Variants in FOXP4 observed in about 807,000 individuals in gnomAD.
The protein encoded by FOXP4 is forkhead box P4, also known as forkhead box protein P4.
Under a neutral mutation model 82.6 loss-of-function variants are expected in FOXP4, and 25 were observed. The ratio of observed to expected loss-of-function variants is 0.30; its 90% confidence interval spans 0.22 to 0.42. FOXP4 has a LOEUF of 0.42. Among genes scored for constraint, FOXP4 ranks in the 10% least tolerant of loss-of-function variants. The pLI, the probability that FOXP4 is intolerant of heterozygous loss-of-function variation, is 1.00. For missense variants in FOXP4, 785 were observed against 900.9 expected (o/e 0.87, Z 1.65); for synonymous variants, 415 against 388.2 (o/e 1.07, Z -0.81).
intron 3 of FOXP4, among the ~76,000 whole-genome samples, chr6:41,582,971 T>C (rs147540972): frequency 5.1e-4 from 77 of 152,274 alleles, no homozygotes; most frequent in Non-Finnish European, 8.7e-4. Context: ...CCCTGCCACT[T>C]AAGGCCACCA....
At position 41,560,571 on chromosome 6, in the gene FOXP4, C is replaced by T. The variant is rs376278662; in HGVS notation, c.-16-5174C>T. On this transcript the variant is annotated intron_variant, in intron 1 of 16. Coordinates refer to ENST00000307972, the MANE Select transcript of FOXP4 (RefSeq NM_001012426.2). ...CCGGCAGGACGCGCGCCCAGGAGCGCGCTGGGGGCTGCCCCGCCCCTCTCT... is the reference window on the plus strand; with the variant it reads ...CCGGCAGGACGCGCGCCCAGGAGCGTGCTGGGGGCTGCCCCGCCCCTCTCT... Among the ~76,000 whole-genome samples the T allele has an allele frequency of 1.2e-4, 18 of 152,300 alleles. No individual in the cohort carries two copies. In the East Asian group the frequency reaches 2.3e-3, roughly 20 times the overall value.
In FOXP4 at chr6:41,598,828, G is replaced by A. The variant is rs755902655; in HGVS notation, c.1935G>A (p.Glu645=). Residue 645 remains glutamate (E), a synonymous_variant, in exon 17 of 17, where the codon GAG becomes GAA. Transcript: ENST00000307972. ...TGAAGGAGGAGCCAGCAGAGGCAGA[G>A]GAAGACAGGCAGCCCGGGCCTCCCC... ...VQVKEEPAEA[E]EDRQPGPPLG... 1 of 1,575,838 alleles carries A rather than the reference G, an allele frequency of 6.3e-7. No individual in the cohort carries two copies. The highest frequency in any genetic ancestry group is 1.2e-5 in the South Asian group (1 of 85,850).
At chr6:41,578,107 T>C (rs559444252) in intron 3 of FOXP4, 26 bp downstream of exon 3, 107 of 1,600,920 alleles carry the variant, frequency 6.7e-5, no homozygotes, top group Non-Finnish European at 8.5e-5. Context: ...CCCCGCTGGC[T>C]CTGGGTTGGG....
At chr6:41,585,374 C>T in intron 4 of FOXP4, 57 bp from the exon 5 acceptor site, 1 of 1,569,892 alleles carries the variant, frequency 6.4e-7, no homozygotes, top group Non-Finnish European at 8.7e-7. Context: ...TGGGACAGGG[C>T]TGGGGTTGTG....
At chr6:41,586,956 T>C in intron 5 of FOXP4, 53 bp from the exon 6 acceptor site, 1 of 1,522,842 alleles carries the variant, frequency 6.6e-7, no homozygotes, top group Non-Finnish European at 8.8e-7. Context: ...CCAGATGGCA[T>C]GCCTGAAGCT....
chr6:41,597,163 C>G lies in FOXP4; in HGVS notation c.1659-13C>G, dbSNP rs540018782. On this transcript the variant is annotated splice_polypyrimidine_tract_variant and intron_variant, in intron 14 of 16. Coordinates refer to ENST00000307972, the MANE Select transcript of FOXP4 (RefSeq NM_001012426.2). ...GAATGAGTGAGCCAAAGATGGCCTTCTCTGTCCTCCAGGAGCCCCACCCTG... is the reference window on the plus strand; with the variant it reads ...GAATGAGTGAGCCAAAGATGGCCTTGTCTGTCCTCCAGGAGCCCCACCCTG... 1.9e-6 allele frequency: 3 copies of G among 1,614,120 alleles called. No individual in the cohort carries two copies. Among genetic ancestry groups the G allele is most frequent in the South Asian group, 2.2e-5 (2 of 91,086 alleles).
At position 41,591,425 on chromosome 6, in the gene FOXP4, T is replaced by A. The variant is rs532939295; in HGVS notation, c.1536+103T>A. On this transcript the variant is annotated intron_variant, in intron 13 of 16. Coordinates refer to ENST00000307972, the MANE Select transcript of FOXP4 (RefSeq NM_001012426.2). This position sits in a 1 kb window ranked among gnomAD's most constrained non-coding sequence, Gnocchi z 4.2. The stretch of plus-strand genomic sequence containing the variant: ...AACAATTAGTTCCCTAAACCATTAG[T>A]CCTGCAGAAACAGCCACCCAAGGGC... The A allele has an allele frequency of 6.0e-5, 63 of 1,049,380 alleles. 1 individual carries two copies. In the African/African-American group the frequency reaches 7.5e-4, roughly 13 times the overall value. The allele number at this position is 1,049,380 out of a possible 1,614,324, so 65.0% of individuals were successfully genotyped here. A position where few individuals can be genotyped will look rare whatever the true frequency, so the allele number is the denominator to read the frequency against.
At chr6:41,552,182 C>A (rs1764036123) in intron 1 of FOXP4, among the ~76,000 whole-genome samples, 1 of 152,158 alleles carries the variant, frequency 6.6e-6, no homozygotes, top group African/African-American at 2.4e-5. Flanking sequence ...CTATGGAGAC[C>A]CAGGCCTAAA....
At chr6:41,590,988 T>C (rs1432049431) in intron 12 of FOXP4, among the ~76,000 whole-genome samples, 1 of 152,208 alleles carries the variant, frequency 6.6e-6, no homozygotes, top group Non-Finnish European at 1.5e-5. Flanking sequence ...TACAAATACA[T>C]AGCCCTTGGA....
chr6:41,578,076 G>T lies in FOXP4; in HGVS notation c.295G>T (p.Val99Leu), dbSNP rs1441089140. The change falls in exon 3 of 17, where the codon GTG (valine) becomes TTG (leucine). Residue 99 changes from valine to leucine, a missense_variant. This residue lies in a region of FOXP4 where 570 missense variants were observed against 634.0 expected (regional missense o/e 0.90). Transcript: ENST00000307972. ...TGACAGCAAACAGTCTGCCTCTGCT[G>T]TGCAGGTGAGGAAGAGAGCACCCCG... ...NNDSKQSASA[V>L]QVPVSVAMMS... 5 of 1,613,328 alleles carry T rather than the reference G, an allele frequency of 3.1e-6. No individual in the cohort carries two copies. Among genetic ancestry groups the T allele is most frequent in the Non-Finnish European group, 4.2e-6 (5 of 1,179,900 alleles).
intron 14 of FOXP4, 86 bp from the exon 15 acceptor site, chr6:41,597,090 C>A: frequency 1.4e-6 from 2 of 1,418,522 alleles, no homozygotes; most frequent in Non-Finnish European, 1.0e-6. Context: ...ATTCCCAGCA[C>A]AGGCCGTTAC....
At chr6:41,567,533 A>G (rs1764952068) in intron 2 of FOXP4, among the ~76,000 whole-genome samples, 1 of 152,200 alleles carries the variant, frequency 6.6e-6, no homozygotes, top group Non-Finnish European at 1.5e-5. Context: ...CCCCACCAGA[A>G]ATCTCCAAGG....
chr6:41,546,895 T>G (rs1763655145), intron 1 of FOXP4, 28 bp downstream of exon 1: 3 of 145,204 alleles, frequency 2.1e-5, no homozygotes, highest in African/African-American at 7.6e-5. Flanking sequence ...CCCAGGGACG[T>G]GGGTGGGGGC....
Position 41,599,166 on chromosome 6 carries a change from A to G in FOXP4, c.*230A>G. 1.9e-6 allele frequency: 1 copy of G among 531,502 alleles called. No homozygotes were observed. Among genetic ancestry groups the G allele is most frequent in the East Asian group, 3.3e-5 (1 of 29,866 alleles). 32.9% of individuals were successfully genotyped at this position (531,502 alleles called of 1,614,324 possible). ...GGTCTTGGACCAGTAGAGGACACGGAGGGTTCAGACCCCTCCTCAGACCCT... is the reference window on the plus strand; with the variant it reads ...GGTCTTGGACCAGTAGAGGACACGGGGGGTTCAGACCCCTCCTCAGACCCT... On this transcript the variant is annotated 3_prime_UTR_variant, in exon 17 of 17. Transcript: ENST00000307972.
At chr6:41,586,323 C>T (rs1051187462) in intron 5 of FOXP4, among the ~76,000 whole-genome samples, 2 of 152,310 alleles carry the variant, frequency 1.3e-5, no homozygotes, top group South Asian at 2.1e-4. Context: ...ACATCTCTGC[C>T]TCTCAACCCA....
intron 2 of FOXP4, among the ~76,000 whole-genome samples, chr6:41,569,848 G>T (rs527796144): frequency 6.6e-6 from 1 of 152,090 alleles, no homozygotes; most frequent in African/African-American, 2.4e-5. Context: ...CATCCTGTGA[G>T]GAGATTCAAA....
intron 13 of FOXP4, among the ~76,000 whole-genome samples, chr6:41,592,472 G>A (rs560137201): frequency 6.6e-6 from 1 of 152,300 alleles, no homozygotes; most frequent in East Asian, 1.9e-4. Context: ...CTCTTTCTGA[G>A]CCAGCAGGGC....
rs1210177153 is a variant in FOXP4 at position 41,584,907 on chromosome 6, GGGC to G, written c.423+17_423+19del. The stretch of plus-strand genomic sequence containing the variant: ...GCTCCAGCAGGTGAGTCTGGCCCCA[GGGC>G]AGCTGGTCCCTCCTCCTCTGCCTGG... On this transcript the variant is annotated intron_variant, in intron 4 of 16. Coordinates refer to ENST00000307972, the MANE Select transcript of FOXP4 (RefSeq NM_001012426.2). The G allele has an allele frequency of 6.2e-7, 1 of 1,601,744 alleles. No homozygotes were observed. The highest frequency in any genetic ancestry group is 1.3e-5 in the African/African-American group (1 of 74,768).
At chr6:41,585,776 G>A (rs1275195901) in intron 5 of FOXP4, among the ~76,000 whole-genome samples, 3 of 151,942 alleles carry the variant, frequency 2.0e-5, no homozygotes, top group Non-Finnish European at 4.4e-5. Context: ...AGGTGTGTAC[G>A]TGTCACCCCC....
Sources: allele counts gnomAD v4.1 joint callset (sites outside exome capture counted in the v4.1 genomes callset), GRCh38; gene constraint gnomAD v4.1.1; regional missense constraint gnomAD v4.1.1; non-coding constraint Gnocchi (gnomAD v3.1); transcripts MANE v1.5; gene names NCBI Gene and HGNC (gene_info 2026-07-23, HGNC 2026-07-21).